CST5: variants seen among roughly 807,000 people sequenced by gnomAD.
CST5 encodes the protein cystatin-D.
Under a neutral mutation model 11.5 loss-of-function variants are expected in CST5, and 13 were observed. The ratio of observed to expected loss-of-function variants is 1.13; its 90% CI spans 0.73 to 1.79. The LOEUF is 1.79. CST5 is among the 40% of genes most tolerant of loss of function. The pLI is 0.00. For missense variants in CST5, 219 were observed against 174.5 expected, an observed-to-expected ratio of 1.25 and a Z score of -1.44; for synonymous variants, 81 against 67.6, an observed-to-expected ratio of 1.20 and a Z score of -0.97.
In CST5 at chr20:23,879,742, A is replaced by G. The variant is rs1026504298; in HGVS notation, c.-66T>C. 76 of 1,496,990 alleles carry G rather than the reference A, an allele frequency of 5.1e-5. No individual in the cohort carries two copies. The Middle Eastern group carries it at 7.0e-4, about 14-fold the overall frequency. 92.7% of individuals were successfully genotyped at this position (1,496,990 alleles called of 1,614,324 possible). A position where few individuals can be genotyped will look rare whatever the true frequency, so the allele number is the denominator to read the frequency against. On this transcript the variant is annotated 5_prime_UTR_variant, in exon 1 of 3. Transcript: ENST00000304710. ...GAGCAAAGCAGCAGAAGGCTGAGGC[A>G]GGAAGCCCAGGCCAGAAGCTAGCTG... is the stretch of plus-strand genomic sequence containing the variant.
At chr20:23,877,138 C>A (rs1400628669) in intron 2 of CST5, among the ~76,000 whole-genome samples, 3 of 152,218 alleles carry the variant, frequency 2.0e-5, no homozygotes, top group Admixed American at 2.0e-4. Flanking sequence ...CACACATCCA[C>A]ACACATGCAC....
chr20:23,877,062 G>A (rs1173821066), intron 2 of CST5, among the ~76,000 whole-genome samples: 1 of 152,032 alleles, frequency 6.6e-6, no homozygotes, highest in Non-Finnish European at 1.5e-5. Context: ...CACACACATA[G>A]GCATCTATAT....
At chr20:23,879,045 G>C (rs1986024183) in intron 1 of CST5, among the ~76,000 whole-genome samples, 1 of 152,180 alleles carries the variant, frequency 6.6e-6, no homozygotes, top group African/African-American at 2.4e-5. Context: ...AGGGAAGCGG[G>C]GCTATCCAGG....
chr20:23,879,536 G>GGCACACT lies in CST5; in HGVS notation c.134_140dup (p.Leu48ValfsTer15). On this transcript the variant is annotated frameshift_variant, in exon 1 of 3. Transcript: ENST00000304710. LOFTEE classifies it high-confidence loss of function. ...TGTACTCGCTGATGGCAAAGTCCAG[G>GGCACACT]GCACACTGCACACTCTTGTCATTGA... is the stretch of plus-strand genomic sequence containing the variant. 1 of 1,613,968 alleles carries GGCACACT rather than the reference G, an allele frequency of 6.2e-7. No individual in the cohort carries two copies. Among genetic ancestry groups the GGCACACT allele is most frequent in the Non-Finnish European group, 8.5e-7 (1 of 1,179,980 alleles).
chr20:23,878,246 A>G (rs780404705), intron 1 of CST5, among the ~76,000 whole-genome samples: 53 of 152,166 alleles, frequency 3.5e-4, no homozygotes, highest in Non-Finnish European at 5.0e-4. Flanking sequence ...AGGCCAATAA[A>G]CATTGCCTCC....
chr20:23,877,454 C>A (rs768614998), intron 2 of CST5, 51 bp downstream of exon 2: 8 of 1,379,308 alleles, frequency 5.8e-6, no homozygotes, highest in African/African-American at 1.4e-5. Flanking sequence ...CACACACATG[C>A]ACACACTGCT....
rs1024507269 is a variant in CST5 at position 23,877,726 on chromosome 20, C to T, written c.232-108G>A. The T allele has an allele frequency of 8.0e-6, 7 of 869,742 alleles. No homozygotes were observed. In the East Asian group the frequency reaches 1.3e-4, roughly 16 times the overall value. 53.9% of individuals were successfully genotyped at this position (869,742 alleles called of 1,614,324 possible). On this transcript the variant is annotated intron_variant, in intron 1 of 2. Transcript: ENST00000304710. ...CTGGGCTTGCCTGGGGCTTCATGCCCACACTGTCACCCAAAAGGCACACAA... is the reference window on the plus strand; with the variant it reads ...CTGGGCTTGCCTGGGGCTTCATGCCTACACTGTCACCCAAAAGGCACACAA...
chr20:23,877,717 C>T, intron 1 of CST5, 99 bp from the exon 2 acceptor site: 1 of 960,922 alleles, frequency 1.0e-6, no homozygotes, highest in Non-Finnish European at 1.6e-6. Context: ...TTGCCTGGGG[C>T]TTCATGCCCA....
At chr20:23,877,957 C>G (rs762624452) in intron 1 of CST5, among the ~76,000 whole-genome samples, 3 of 152,198 alleles carry the variant, frequency 2.0e-5, no homozygotes, top group Non-Finnish European at 2.9e-5. Context: ...CAGGGTGGGA[C>G]AAAGAAACAG....
Position 23,876,006 on chromosome 20 carries a change from G to A in CST5, c.*182C>T. 1.9e-6 allele frequency: 1 copy of A among 535,974 alleles called. No homozygotes were observed. The allele number at this position is 535,974 out of a possible 1,614,324, so 33.2% of individuals were successfully genotyped here. ...CACTGGGGCTATGAGAAGCAAGAAG[G>A]AAGGAGCAAGGGCAGAGCCTCCTGC... On this transcript the variant is annotated 3_prime_UTR_variant, in exon 3 of 3. Coordinates refer to ENST00000304710, the MANE Select transcript of CST5 (RefSeq NM_001900.5).
chr20:23,876,116 C>A lies in CST5; in HGVS notation c.*72G>T, dbSNP rs184494847. On this transcript the variant is annotated 3_prime_UTR_variant, in exon 3 of 3. Coordinates refer to ENST00000304710, the MANE Select transcript of CST5 (RefSeq NM_001900.5). ...AGACCTCCCCCAGGGTGGGGGCCACCAGTCCAGGGGTGGGAGCACTACAGG... is the reference window on the plus strand; with the variant it reads ...AGACCTCCCCCAGGGTGGGGGCCACAAGTCCAGGGGTGGGAGCACTACAGG... 1.0e-5 allele frequency: 13 copies of A among 1,268,084 alleles called. No homozygotes were observed. Among genetic ancestry groups the A allele is most frequent in the Non-Finnish European group, 1.4e-5 (12 of 884,572 alleles). The allele number at this position is 1,268,084 out of a possible 1,614,324, so 78.6% of individuals were successfully genotyped here.
chr20:23,878,573 C>A (rs191393103), intron 1 of CST5, among the ~76,000 whole-genome samples: 1 of 152,306 alleles, frequency 6.6e-6, no homozygotes, highest in East Asian at 1.9e-4. Context: ...CTGTGCTTCA[C>A]TCCCAGTGAG....
intron 2 of CST5, 74 bp downstream of exon 2, chr20:23,877,427 GCACA>G: frequency 2.7e-6 from 3 of 1,116,616 alleles, no homozygotes; most frequent in Non-Finnish European, 4.1e-6. Flanking sequence ...ACAGATGCGT[GCACA>G]CACACATACA....
rs1600457911 is a variant in CST5, at chr20:23,879,581, A to G, written c.96T>C (p.Gly32=). The change falls in exon 1 of 3, where the codon GGT becomes GGC. Residue 32 remains glycine (G), a synonymous_variant. Coordinates refer to ENST00000304710, the MANE Select transcript of CST5 (RefSeq NM_001900.5). ...SASAQSRTLA[G]GIHATDLNDK... Reference sequence around the variant, plus strand: ...CATTGAGGTCTGTGGCATGGATGCCACCTGCCAAGGTCCTAGATTGGGCCG... The same window carrying G: ...CATTGAGGTCTGTGGCATGGATGCCGCCTGCCAAGGTCCTAGATTGGGCCG... 3 of 1,613,926 alleles carry G rather than the reference A, an allele frequency of 1.9e-6. No individual in the cohort carries two copies. The Admixed American group carries it at 5.0e-5, about 27-fold the overall frequency.
chr20:23,878,320 A>G (rs1986006754), intron 1 of CST5, among the ~76,000 whole-genome samples: 1 of 152,160 alleles, frequency 6.6e-6, no homozygotes, highest in South Asian at 2.1e-4. Flanking sequence ...ACACACCTGC[A>G]TGTCTTAGGG....
Position 23,876,141 on chromosome 20 carries a change from G to A in CST5, c.*47C>T. 6.7e-7 allele frequency: 1 copy of A among 1,498,670 alleles called. No homozygotes were observed. The highest frequency in any genetic ancestry group is 1.1e-5 in the South Asian group (1 of 88,000). 92.8% of individuals were successfully genotyped at this position (1,498,670 alleles called of 1,614,324 possible). A position where few individuals can be genotyped will look rare whatever the true frequency, so the allele number is the denominator to read the frequency against. The stretch of plus-strand genomic sequence containing the variant: ...CAGTCCAGGGGTGGGAGCACTACAG[G>A]GGGTGGGAGTAGGAGGTGGTCAGTG... On this transcript the variant is annotated 3_prime_UTR_variant, in exon 3 of 3. Coordinates refer to ENST00000304710, the MANE Select transcript of CST5 (RefSeq NM_001900.5).
Position 23,876,191 on chromosome 20 carries a change from GACTTTCCGGC to G in CST5, c.416_425del (p.Cys139SerfsTer68). ...GTGACAGGCCTTGCACAGACCCCTAGACTTTCCGGCACTTGTAGTTCAGAATGGAAATTTT... is the reference window on the plus strand; with the variant it reads ...GTGACAGGCCTTGCACAGACCCCTAGACTTGTAGTTCAGAATGGAAATTTT... On this transcript the variant is annotated frameshift_variant, in exon 3 of 3. Coordinates refer to ENST00000304710, the MANE Select transcript of CST5 (RefSeq NM_001900.5). LOFTEE classifies it high-confidence loss of function. The G allele has an allele frequency of 6.2e-7, 1 of 1,613,156 alleles. No individual in the cohort carries two copies. Among genetic ancestry groups the G allele is most frequent in the Non-Finnish European group, 8.5e-7 (1 of 1,179,146 alleles).
At chr20:23,876,979 C>T (rs1196773157) in intron 2 of CST5, among the ~76,000 whole-genome samples, 1 of 152,130 alleles carries the variant, frequency 6.6e-6, no homozygotes, top group African/African-American at 2.4e-5. Flanking sequence ...AGTTGACCTC[C>T]CAGTAACCAT....
At position 23,876,140 on chromosome 20, in the gene CST5, G is replaced by A; in HGVS notation, c.*48C>T. 1 of 1,494,030 alleles carries A rather than the reference G, an allele frequency of 6.7e-7. No individual in the cohort carries two copies. The highest frequency in any genetic ancestry group is 9.3e-7 in the Non-Finnish European group (1 of 1,072,894). The allele number at this position is 1,494,030 out of a possible 1,614,324, so 92.5% of individuals were successfully genotyped here. A position where few individuals can be genotyped will look rare whatever the true frequency, so the allele number is the denominator to read the frequency against. On this transcript the variant is annotated 3_prime_UTR_variant, in exon 3 of 3. Transcript: ENST00000304710. ...CCAGTCCAGGGGTGGGAGCACTACA[G>A]GGGGTGGGAGTAGGAGGTGGTCAGT...
Sources: gnomAD v4.1 joint callset for allele counts (sites outside exome capture counted in the v4.1 genomes callset) on GRCh38, gnomAD v4.1.1 for gene constraint, MANE v1.5 for transcripts, NCBI Gene and HGNC (gene_info 2026-07-23, HGNC 2026-07-21) for gene names.